The following ESPN variants were observed in gnomAD, a reference collection of about 807,000 sequenced individuals.
The protein encoded by ESPN is espin.
In ESPN, 68 loss-of-function variants were observed where a neutral mutation model predicts 77.7. The ratio of observed to expected loss-of-function variants is 0.87; its 90% CI spans 0.72 to 1.07. ESPN has a LOEUF of 1.07. Ranked by LOEUF, ESPN falls within the 50% of genes least tolerant of loss-of-function variation. The pLI, the probability that ESPN is intolerant of heterozygous loss-of-function variation, is 0.00. For missense variants in ESPN, 1,060 were observed against 1,239.0 expected (o/e 0.86, Z 2.17); for synonymous variants, 449 against 567.1 (o/e 0.79, Z 2.96).
Position 6,440,415 on chromosome 1 carries a change from G to A in ESPN, c.650G>A (p.Gly217Asp), listed in dbSNP as rs775155350. Reference protein sequence around the residue: ...MTPLHAAAQMGHSPVIVWLVS... With the variant: ...MTPLHAAAQMDHSPVIVWLVS... ...CCGCTGCACGCCGCGGCGCAGATGGGCCACAGCCCAGTCATCGTGTGGTTG... is the reference window on the plus strand; with the variant it reads ...CCGCTGCACGCCGCGGCGCAGATGGACCACAGCCCAGTCATCGTGTGGTTG... Residue 217 changes from glycine to aspartate, a missense_variant, in exon 3 of 13, where the codon GGC (glycine) becomes GAC (aspartate). Around this residue, in one of 3 missense-constraint regions of ESPN, gnomAD observed 556 missense variants for 633.6 expected, o/e 0.88. Coordinates refer to ENST00000645284, the MANE Select transcript of ESPN (RefSeq NM_031475.3). The A allele has an allele frequency of 3.8e-6, 6 of 1,575,730 alleles. 1 individual carries two copies. The South Asian group carries it at 6.9e-5, about 18-fold the overall frequency.
Position 6,451,458 on chromosome 1 carries a change from C to A in ESPN, c.1916-145C>A, listed in dbSNP as rs1282310878. 5.9e-6 allele frequency: 7 copies of A among 1,179,006 alleles called. No homozygotes were observed. Among genetic ancestry groups the A allele is most frequent in the Non-Finnish European group, 8.6e-6 (7 of 814,472 alleles). 73.0% of individuals were successfully genotyped at this position (1,179,006 alleles called of 1,614,324 possible). Reference sequence around the variant, plus strand: ...GGGCCCTGAAACCTGCCTGCAGGACCTGGGATCTGGAGAGCTGCCCGCTGG... The same window carrying A: ...GGGCCCTGAAACCTGCCTGCAGGACATGGGATCTGGAGAGCTGCCCGCTGG... On this transcript the variant is annotated intron_variant, in intron 8 of 12. Transcript: ENST00000645284. The surrounding 1 kb of genome is among the most constrained non-coding windows in gnomAD (Gnocchi z 4.3).
At chr1:6,444,129 C>A (rs1483302762) in intron 5 of ESPN, among the ~76,000 whole-genome samples, 1 of 152,200 alleles carries the variant, frequency 6.6e-6, no homozygotes, top group Non-Finnish European at 1.5e-5. Flanking sequence ...CTGTGCGCCT[C>A]CCCATGGAGC....
chr1:6,440,857 CTT>C, intron 4 of ESPN, 49 bp downstream of exon 4: 1 of 1,481,408 alleles, frequency 6.8e-7, no homozygotes, highest in African/African-American at 1.5e-5. Flanking sequence ...TGGCACCGCG[CTT>C]TCAGCACGGC....
At chr1:6,455,819 G>T (rs578123693) in intron 10 of ESPN, 82 of 398,962 alleles carry the variant, frequency 2.1e-4, no homozygotes, top group African/African-American at 1.6e-3. Flanking sequence ...GGCGCGGCTG[G>T]AGCGACGGCT....
intron 10 of ESPN, chr1:6,455,609 C>T (rs1324938923): frequency 7.5e-6 from 3 of 399,276 alleles, no homozygotes; most frequent in Non-Finnish European, 1.3e-5. Context: ...TGGACGGCGG[C>T]GCACCCCCGC....
intron 10 of ESPN, chr1:6,456,026 G>A: frequency 6.7e-6 from 2 of 299,096 alleles, no homozygotes; most frequent in Non-Finnish European, 6.0e-6. Context: ...CGCCGCCCCC[G>A]CCCGCCGCGC....
chr1:6,449,494 C>T (rs1643909169), intron 8 of ESPN, among the ~76,000 whole-genome samples: 1 of 152,318 alleles, frequency 6.6e-6, no homozygotes, highest in African/African-American at 2.4e-5. Flanking sequence ...GAAGTAGAAC[C>T]AGCTTCAGAG....
rs776588491 is a variant in ESPN at position 6,460,005 on chromosome 1, G to A, written c.2424G>A (p.Glu808=). The A allele has an allele frequency of 3.1e-6, 5 of 1,613,614 alleles. No homozygotes were observed. The highest frequency in any genetic ancestry group is 2.2e-5 in the South Asian group (2 of 91,082). The part of the protein sequence containing the change: ...LEEEREQKRK[E]EERQKQEELR... ...CCCCTCCCCACTGCCTCAGGAAAGA[G>A]GAGGAGCGACAGAAGCAGGAGGAGC... Residue 808 remains glutamate, a synonymous_variant, in exon 13 of 13, where the codon GAG becomes GAA. Transcript: ENST00000645284.
At chr1:6,456,407 C>T (rs1034005897) in intron 10 of ESPN, 8 of 359,364 alleles carry the variant, frequency 2.2e-5, no homozygotes, top group African/African-American at 1.5e-4. Context: ...AGGGCAGGCA[C>T]AGAACAGACC....
chr1:6,440,575 AG>A (rs1275285975), intron 3 of ESPN, 50 bp from the exon 4 acceptor site: 3 of 980,850 alleles, frequency 3.1e-6, no homozygotes, highest in Admixed American at 2.5e-5. Context: ...GCGGGCCTAC[AG>A]GGGCCTGGCG....
intron 2 of ESPN, among the ~76,000 whole-genome samples, chr1:6,431,823 A>T (rs1408036835): frequency 6.6e-6 from 1 of 152,184 alleles, no homozygotes. Context: ...GACTCATTCA[A>T]CTAATGTTTA....
At chr1:6,453,569 C>T (rs1569737767) in intron 10 of ESPN, among the ~76,000 whole-genome samples, 1 of 152,142 alleles carries the variant, frequency 6.6e-6, no homozygotes, top group African/African-American at 2.4e-5. Flanking sequence ...GTGGATGTGG[C>T]CCTGACTGTC....
At position 6,447,978 on chromosome 1, in the gene ESPN, G is replaced by A. The variant is rs1643879788; in HGVS notation, c.1465-663G>A. 2 of 152,266 alleles carry A rather than the reference G, an allele frequency of 1.3e-5. No individual in the cohort carries two copies. Among genetic ancestry groups the A allele is most frequent in the Non-Finnish European group, 2.9e-5 (2 of 68,086 alleles). The allele number at this position is 152,266 out of a possible 1,614,324, so 9.4% of individuals were successfully genotyped here. On this transcript the variant is annotated intron_variant, in intron 7 of 12. Transcript: ENST00000645284. This position sits in a 1 kb window ranked among gnomAD's most constrained non-coding sequence, Gnocchi z 5.2. ...TCAGCCTGGGATTGGCGGGCCCCGG[G>A]TGATGTCAGGCCGTCGGAGCCCATA...
At chr1:6,430,138 C>T (rs1321652410) in intron 2 of ESPN, among the ~76,000 whole-genome samples, 3 of 152,214 alleles carry the variant, frequency 2.0e-5, no homozygotes, top group Non-Finnish European at 4.4e-5. Flanking sequence ...AGGGCAGAGG[C>T]TTGAGCTGCC....
intron 1 of ESPN, among the ~76,000 whole-genome samples, chr1:6,426,629 G>A (rs896265914): frequency 2.6e-4 from 40 of 152,132 alleles, no homozygotes; most frequent in African/African-American, 9.7e-4. Context: ...CAGGCCTGTG[G>A]CCCTCTCCTT....
chr1:6,454,983 C>T (rs1241527200), intron 10 of ESPN: 2 of 378,826 alleles, frequency 5.3e-6, no homozygotes, highest in Non-Finnish European at 9.4e-6. Context: ...CTACGAGCTG[C>T]GCGCACGGGG....
chr1:6,429,952 A>G (rs983786630), intron 2 of ESPN: 15 of 154,146 alleles, frequency 9.7e-5, no homozygotes, highest in Admixed American at 5.9e-4. Context: ...CGTTCCCCAC[A>G]GCAGCATGTG....
intron 2 of ESPN, among the ~76,000 whole-genome samples, chr1:6,434,892 AG>A (rs1476307126): frequency 6.6e-6 from 1 of 152,114 alleles, no homozygotes; most frequent in Admixed American, 6.5e-5. Context: ...TAATGAAAAG[AG>A]GGTGGGCCTC....
intron 10 of ESPN, among the ~76,000 whole-genome samples, chr1:6,453,226 TG>T (rs1643985209): frequency 6.6e-6 from 1 of 152,238 alleles, no homozygotes; most frequent in South Asian, 2.1e-4. Flanking sequence ...CACACACTGT[TG>T]TAGCCTCTGG....
Sources: gnomAD v4.1 joint callset for allele counts (sites outside exome capture counted in the v4.1 genomes callset) on GRCh38, gnomAD v4.1.1 for gene constraint, gnomAD v4.1.1 regional missense constraint, Gnocchi (gnomAD v3.1) non-coding constraint, MANE v1.5 for transcripts, NCBI Gene and HGNC (gene_info 2026-07-23, HGNC 2026-07-21) for gene names.